Variants in LRRC37A2 observed in about 807,000 individuals in gnomAD.
LRRC37A2 encodes the protein leucine-rich repeat-containing protein 37A2.
In LRRC37A2, 9 loss-of-function variants were observed where a neutral mutation model predicts 68.8. That is an observed-to-expected ratio of 0.13 (90% CI 0.08 to 0.23). The LOEUF is 0.23. Ranked by LOEUF, LRRC37A2 falls within the 10% of genes least tolerant of loss-of-function variation. The pLI, the probability that LRRC37A2 is intolerant of heterozygous loss-of-function variation, is 1.00. For synonymous variants in LRRC37A2, 63 were observed against 367.6 expected (o/e 0.17, Z 9.48); for missense variants, 168 against 950.4 (o/e 0.18, Z 10.82).
the LRRC37A2 span, among the ~76,000 whole-genome samples, chr17:47,038,455 A>AT: frequency 6.6e-6 from 1 of 151,518 alleles, no homozygotes; most frequent in Admixed American, 6.6e-5. Flanking sequence ...ATCTCTAAAA[A>AT]TTTTTTTTAG....
At chr17:46,858,465 T>TTTTTATTTTA in the LRRC37A2 span, among the ~76,000 whole-genome samples, 385 of 151,290 alleles carry the variant, frequency 2.5e-3, 2 homozygotes, top group African/African-American at 7.1e-3. Flanking sequence ...CGTTTTCTCC[T>TTTTTATTTTA]TTTTATTTTA....
chr17:46,704,944 G>C, the LRRC37A2 span: 2 of 1,330,330 alleles, frequency 1.5e-6, no homozygotes, highest in Non-Finnish European at 2.1e-6. Flanking sequence ...TCAGTATTAT[G>C]GAAGGTTATA....
intron 6 of LRRC37A2, among the ~76,000 whole-genome samples, chr17:46,531,916 G>A (rs1332785841): frequency 2.2e-5 from 3 of 135,748 alleles, no homozygotes; most frequent in African/African-American, 3.2e-5. Context: ...CCATGTTTTT[G>A]TGTAAGAGTC....
At chr17:46,986,347 G>A in the LRRC37A2 span, among the ~76,000 whole-genome samples, 2 of 152,018 alleles carry the variant, frequency 1.3e-5, no homozygotes, top group African/African-American at 4.8e-5. Context: ...GGTAATGCCT[G>A]GAAACGGGCC....
At chr17:46,950,461 C>T in the LRRC37A2 span, among the ~76,000 whole-genome samples, 3 of 152,202 alleles carry the variant, frequency 2.0e-5, no homozygotes, top group Non-Finnish European at 4.4e-5. Flanking sequence ...GCCCATACTA[C>T]AAATTGCTTT....
chr17:46,801,925 G>A, the LRRC37A2 span, among the ~76,000 whole-genome samples: 1 of 152,298 alleles, frequency 6.6e-6, no homozygotes, highest in East Asian at 1.9e-4. Flanking sequence ...CTGTAGCATT[G>A]AGACCACTCA....
At chr17:46,962,002 G>A in the LRRC37A2 span, among the ~76,000 whole-genome samples, 2 of 152,228 alleles carry the variant, frequency 1.3e-5, no homozygotes, top group East Asian at 3.9e-4. Context: ...TTTCTAAAAT[G>A]AGGATAAGGG....
the LRRC37A2 span, among the ~76,000 whole-genome samples, chr17:46,887,161 G>A: frequency 1.3e-5 from 2 of 152,140 alleles, no homozygotes; most frequent in Non-Finnish European, 2.9e-5. Flanking sequence ...GGTAAAATGA[G>A]GTCAGGATTG....
chr17:46,986,671 T>G, the LRRC37A2 span, among the ~76,000 whole-genome samples: 1 of 152,198 alleles, frequency 6.6e-6, no homozygotes, highest in East Asian at 1.9e-4. Context: ...TTAGACACTG[T>G]GGGGACTATC....
At chr17:46,939,665 C>T in the LRRC37A2 span, 4 of 985,540 alleles carry the variant, frequency 4.1e-6, no homozygotes, top group African/African-American at 1.7e-5. Context: ...TATATTAGCA[C>T]CTGCCAGCCA....
the LRRC37A2 span, among the ~76,000 whole-genome samples, chr17:46,797,363 G>A: frequency 6.6e-6 from 1 of 152,186 alleles, no homozygotes. Context: ...GCTCCAGGCT[G>A]GGTTTTGAAA....
the LRRC37A2 span, chr17:46,940,851 C>A: frequency 6.9e-7 from 1 of 1,442,260 alleles, no homozygotes; most frequent in Non-Finnish European, 9.1e-7. Flanking sequence ...GTCTGGACAC[C>A]CAGGGGCATT....
chr17:46,711,160 A>G, the LRRC37A2 span: 2 of 1,452,682 alleles, frequency 1.4e-6, no homozygotes, highest in South Asian at 3.1e-5. Context: ...GTTAAAGGAA[A>G]AAAAGCAGCA....
At chr17:46,828,911 A>G in the LRRC37A2 span, among the ~76,000 whole-genome samples, 1 of 152,008 alleles carries the variant, frequency 6.6e-6, no homozygotes, top group Non-Finnish European at 1.5e-5. Context: ...GCAGTGAGCC[A>G]CTGCACTCCA....
the LRRC37A2 span, among the ~76,000 whole-genome samples, chr17:46,865,535 G>A: frequency 6.6e-6 from 1 of 152,174 alleles, no homozygotes; most frequent in East Asian, 1.9e-4. Context: ...GGATCCAGGA[G>A]TAGGGGTTGG....
the LRRC37A2 span, among the ~76,000 whole-genome samples, chr17:47,006,420 T>G: frequency 6.6e-6 from 1 of 152,076 alleles, no homozygotes; most frequent in Non-Finnish European, 1.5e-5. Context: ...GAGACCAGCC[T>G]CGCCAACATG....
At chr17:46,623,305 G>A in the LRRC37A2 span, among the ~76,000 whole-genome samples, 1 of 34,472 alleles carries the variant, frequency 2.9e-5, no homozygotes, top group African/African-American at 1.8e-4. Context: ...GTGACAGAGT[G>A]AGACTCCATC....
At chr17:46,845,095 C>T in the LRRC37A2 span, among the ~76,000 whole-genome samples, 116 of 152,312 alleles carry the variant, frequency 7.6e-4, no homozygotes, top group African/African-American at 2.4e-3. Flanking sequence ...GTGATCCACT[C>T]GCCTCGGCCT....
the LRRC37A2 span, among the ~76,000 whole-genome samples, chr17:46,691,877 A>T: frequency 2.0e-5 from 3 of 150,898 alleles, no homozygotes; most frequent in African/African-American, 7.4e-5. Context: ...CTCAGCCTCC[A>T]GAGTAGCTGG....
Sources: allele counts gnomAD v4.1 joint callset (sites outside exome capture counted in the v4.1 genomes callset), GRCh38; gene constraint gnomAD v4.1.1; transcripts MANE v1.5; gene names NCBI Gene and HGNC (gene_info 2026-07-23, HGNC 2026-07-21).